Variants in PDE1C observed in about 807,000 individuals in gnomAD.
The protein encoded by PDE1C is phosphodiesterase 1C, also known as dual specificity calcium/calmodulin-dependent 3',5'-cyclic nucleotide phosphodiesterase 1C.
PDE1C carries 62 observed loss-of-function variants against 93.1 expected under a neutral mutation model. That is an observed-to-expected ratio of 0.67 (90% CI 0.54 to 0.82). The LOEUF (loss-of-function observed/expected upper bound fraction) is 0.82. Ranked by LOEUF, PDE1C falls within the 40% of genes least tolerant of loss-of-function variation. PDE1C has a pLI of 0.00. For synonymous variants in PDE1C, 325 were observed against 310.1 expected (o/e 1.05, Z -0.50); for missense variants, 742 against 884.6 (o/e 0.84, Z 2.04).
chr7:31,749,157 G>A (rs1488104059), downstream of PDE1C, among the ~76,000 whole-genome samples: 2 of 152,054 alleles, frequency 1.3e-5, no homozygotes, highest in Non-Finnish European at 2.9e-5. Flanking sequence ...GCTTGCAGAA[G>A]GAAAAGGTAG....
At chr7:31,927,709 G>T (rs902636522) in intron 2 of PDE1C, among the ~76,000 whole-genome samples, 1 of 152,084 alleles carries the variant, frequency 6.6e-6, no homozygotes, top group African/African-American at 2.4e-5. Context: ...AGAGAGTCCT[G>T]TTAGAACTAA....
the PDE1C span, chr7:31,651,073 T>C: frequency 2.0e-6 from 3 of 1,529,666 alleles, no homozygotes; most frequent in South Asian, 1.3e-5. Context: ...GAAGACAGGC[T>C]CCACCATGGT....
chr7:31,642,747 C>A, the PDE1C span: 5 of 1,613,898 alleles, frequency 3.1e-6, no homozygotes, highest in African/African-American at 6.7e-5. Flanking sequence ...GAGATCAGAG[C>A]CACAGCTTAG....
At chr7:31,974,525 G>T (rs1259809449) in intron 2 of PDE1C, among the ~76,000 whole-genome samples, 1 of 152,110 alleles carries the variant, frequency 6.6e-6, no homozygotes, top group African/African-American at 2.4e-5. Context: ...CCACTGAAAT[G>T]ATGGCACTGT....
intron 1 of PDE1C, among the ~76,000 whole-genome samples, chr7:32,267,556 C>A (rs777671427): frequency 7.5e-6 from 1 of 133,396 alleles, no homozygotes; most frequent in Non-Finnish European, 1.6e-5. Flanking sequence ...GAAAATGCAG[C>A]CTCTTTCTCT....
chr7:31,894,028 T>G (rs902472546), intron 2 of PDE1C, among the ~76,000 whole-genome samples: 2 of 152,196 alleles, frequency 1.3e-5, no homozygotes, highest in Non-Finnish European at 2.9e-5. Flanking sequence ...AGAAGAATTC[T>G]TTTCCAATGA....
chr7:31,704,130 G>A, the PDE1C span, among the ~76,000 whole-genome samples: 2 of 152,178 alleles, frequency 1.3e-5, no homozygotes, highest in Non-Finnish European at 2.9e-5. Context: ...CATGAGCTGT[G>A]GACATTTGGG....
chr7:32,379,471 C>T (rs1784492947), intron 1 of PDE1C, among the ~76,000 whole-genome samples: 2 of 152,170 alleles, frequency 1.3e-5, no homozygotes, highest in South Asian at 4.1e-4. Context: ...ATTTGAAGGG[C>T]CATGCTTTCT....
intron 3 of PDE1C, among the ~76,000 whole-genome samples, chr7:32,131,395 C>G (rs32306): frequency 0.33 from 49,987 of 151,906 alleles, 8,887 homozygotes; most frequent in South Asian, 0.41. Flanking sequence ...ATGGTAGATT[C>G]TCAGTAATGA....
the PDE1C span, among the ~76,000 whole-genome samples, chr7:31,675,007 A>G: frequency 6.6e-6 from 1 of 152,208 alleles, no homozygotes; most frequent in Non-Finnish European, 1.5e-5. Flanking sequence ...GGTGGCAAAA[A>G]GGCTTACGCT....
chr7:32,374,125 A>AGAGG, intron 1 of PDE1C, among the ~76,000 whole-genome samples: 1 of 140,030 alleles, frequency 7.1e-6, no homozygotes, highest in African/African-American at 2.7e-5. Flanking sequence ...GGAAGGAGAG[A>AGAGG]GAGAAGAAAG....
intron 3 of PDE1C, among the ~76,000 whole-genome samples, chr7:32,106,005 C>T (rs955408339): frequency 6.6e-6 from 1 of 151,976 alleles, no homozygotes; most frequent in Admixed American, 6.6e-5. Context: ...GTTTTACTTA[C>T]TTGTATTTAG....
intron 1 of PDE1C, among the ~76,000 whole-genome samples, chr7:32,385,668 T>G (rs1784610325): frequency 6.6e-6 from 1 of 152,188 alleles, no homozygotes; most frequent in Non-Finnish European, 1.5e-5. Context: ...GGAAAGTGCC[T>G]GGAACAATGT....
chr7:31,878,728 T>A (rs1336297429), intron 4 of PDE1C, among the ~76,000 whole-genome samples: 1 of 152,230 alleles, frequency 6.6e-6, no homozygotes. Flanking sequence ...GATGATTTCC[T>A]GCTTTAAAAA....
chr7:32,307,177 AT>A lies in PDE1C; in HGVS notation c.311-97639del, dbSNP rs879585417. On this transcript the variant is annotated intron_variant, in intron 1 of 1. Transcript: ENST00000672256. ...TCAGTGACCTAACACCACAATAAAG[AT>A]TTTTTTTTTCTTGCTCATTACGAAG... Among the ~76,000 whole-genome samples the A allele has an allele frequency of 4.5e-3, 681 of 151,010 alleles. 3 individuals are homozygous for A. Among genetic ancestry groups the A allele is most frequent in the South Asian group, 0.013 (63 of 4,756 alleles).
chr7:31,644,091 G>C, the PDE1C span: 1 of 745,034 alleles, frequency 1.3e-6, no homozygotes, highest in African/African-American at 1.8e-5. Context: ...AACATTTGTA[G>C]AGTGCTTTAT....
At chr7:31,658,147 A>G in the PDE1C span, 1 of 726,058 alleles carries the variant, frequency 1.4e-6, no homozygotes, top group East Asian at 2.9e-5. Flanking sequence ...GTTGCTCTGA[A>G]CCACAGTGTA....
chr7:32,071,002 A>C, upstream of PDE1C: 1 of 985,332 alleles, frequency 1.0e-6, no homozygotes, highest in Non-Finnish European at 1.2e-6. Flanking sequence ...GACAAGCGAG[A>C]AAACTGACAA....
intron 3 of PDE1C, among the ~76,000 whole-genome samples, chr7:32,131,142 A>G (rs899083468): frequency 2.6e-5 from 4 of 152,138 alleles, no homozygotes; most frequent in Admixed American, 2.6e-4. Context: ...TTAGTGTCTC[A>G]GGAGTTTTAA....
Sources: gnomAD v4.1 joint callset for allele counts (sites outside exome capture counted in the v4.1 genomes callset) on GRCh38, gnomAD v4.1.1 for gene constraint, MANE v1.5 for transcripts, NCBI Gene and HGNC (gene_info 2026-07-23, HGNC 2026-07-21) for gene names.